WNT7B: variants seen among roughly 807,000 people sequenced by gnomAD.
WNT7B encodes the protein Wnt family member 7B.
Under a neutral mutation model 38.2 loss-of-function variants are expected in WNT7B, and 19 were observed. That is an observed-to-expected ratio of 0.50 (90% CI 0.35 to 0.73). WNT7B has a LOEUF of 0.73. Ranked by LOEUF, WNT7B falls within the 30% of genes least tolerant of loss-of-function variation. The pLI is 0.01. For missense variants in WNT7B, 423 were observed against 507.9 expected (o/e 0.83, Z 1.61); for synonymous variants, 243 against 209.3 (o/e 1.16, Z -1.39).
At chr22:45,972,526 G>A (rs982264629) in intron 1 of WNT7B, 1 of 168,402 alleles carries the variant, frequency 5.9e-6, no homozygotes, top group East Asian at 1.7e-4. Flanking sequence ...TCCGTCTGTC[G>A]GTGCGAACCG....
intron 1 of WNT7B, among the ~76,000 whole-genome samples, chr22:45,955,227 C>G (rs1932031036): frequency 6.6e-6 from 1 of 152,242 alleles, no homozygotes; most frequent in Admixed American, 6.5e-5. Context: ...CGGCCTGGCC[C>G]TGCCACACCC....
At chr22:45,925,923 G>GTGGCCCAGGATGGC (rs1931068385) in intron 3 of WNT7B, 1 of 985,190 alleles carries the variant, frequency 1.0e-6, no homozygotes, top group East Asian at 1.1e-4. Context: ...TGCTCCTGCT[G>GTGGCCCAGGATGGC]TGGCCCAGGA....
chr22:45,933,906 G>T (rs539362808), intron 2 of WNT7B, among the ~76,000 whole-genome samples: 1 of 152,166 alleles, frequency 6.6e-6, no homozygotes, highest in Non-Finnish European at 1.5e-5. Context: ...TTTCTGTCCA[G>T]GTGCCAGGGC....
At chr22:45,970,243 C>A (rs914693658) in intron 1 of WNT7B, among the ~76,000 whole-genome samples, 1 of 152,316 alleles carries the variant, frequency 6.6e-6, no homozygotes, top group Non-Finnish European at 1.5e-5. Flanking sequence ...GCCTTCCTGT[C>A]CCCGACGACC....
rs368587752 is a variant in WNT7B at position 45,976,652 on chromosome 22, C to T, written c.71+32G>A. ...CAGCTCCTTCGTGCTGTCTTGGCCC[C>T]TGGCTGCTGCCCTCGCCCACGGGGT... On this transcript the variant is annotated intron_variant, in intron 1 of 3. Transcript: ENST00000339464. The surrounding 1 kb of genome is among the most constrained non-coding windows in gnomAD (Gnocchi z 8.5). 6.3e-7 allele frequency: 1 copy of T among 1,598,102 alleles called. No individual in the cohort carries two copies. Among genetic ancestry groups the T allele is most frequent in the Non-Finnish European group, 8.5e-7 (1 of 1,171,678 alleles).
chr22:45,948,886 G>C (rs9286454), intron 2 of WNT7B, among the ~76,000 whole-genome samples: 60,852 of 138,534 alleles, frequency 0.44, 16,381 homozygotes, highest in African/African-American at 0.77. Context: ...GCTCTTTTAC[G>C]CAGACTGGAG....
intron 2 of WNT7B, among the ~76,000 whole-genome samples, chr22:45,947,162 A>G (rs895548666): frequency 1.3e-5 from 2 of 152,218 alleles, no homozygotes; most frequent in Non-Finnish European, 2.9e-5. Flanking sequence ...AGGAGAGAGG[A>G]GTCAGATACG....
In WNT7B at chr22:45,932,479, C is replaced by T. The variant is rs368954497; in HGVS notation, c.299-1110G>A. 1.8e-3 allele frequency among the ~76,000 whole-genome samples: 269 copies of T among 152,150 alleles called. 1 individual carries two copies. Among genetic ancestry groups the T allele is most frequent in the African/African-American group, 5.9e-3 (245 of 41,498 alleles). On this transcript the variant is annotated intron_variant, in intron 2 of 3. Coordinates refer to ENST00000339464, the MANE Select transcript of WNT7B (RefSeq NM_058238.3). ...TTCAGTTCCTGATTTGACCCAGATCCGGACACCCTCTCCCTGGTGAGCCCT... is the reference window on the plus strand; with the variant it reads ...TTCAGTTCCTGATTTGACCCAGATCTGGACACCCTCTCCCTGGTGAGCCCT...
rs896309977 is a variant in WNT7B, at chr22:45,975,013, C to T, written c.71+1671G>A. Among the ~76,000 whole-genome samples, 3 of 152,132 alleles carry T rather than the reference C, an allele frequency of 2.0e-5. No individual in the cohort carries two copies. The highest frequency in any genetic ancestry group is 4.4e-5 in the Non-Finnish European group (3 of 68,008). On this transcript the variant is annotated intron_variant, in intron 1 of 3. Transcript: ENST00000339464. This position sits in a 1 kb window ranked among gnomAD's most constrained non-coding sequence, Gnocchi z 6.6. ...ACTCGTGGGAGGAAGGGCTGCTTTC[C>T]GATGACTGAGGCAGAAGAATGGACG...
At chr22:45,963,920 C>T (rs528511018) in intron 1 of WNT7B, among the ~76,000 whole-genome samples, 1 of 152,236 alleles carries the variant, frequency 6.6e-6, no homozygotes, top group Admixed American at 6.5e-5. Context: ...TACAAGAGCA[C>T]AATGGGGCGC....
chr22:45,956,189 G>C (rs1371494784), intron 1 of WNT7B, among the ~76,000 whole-genome samples: 1 of 152,210 alleles, frequency 6.6e-6, no homozygotes, highest in Non-Finnish European at 1.5e-5. Context: ...CTAGCTGTGA[G>C]ACTCAGGCAA....
intron 1 of WNT7B, among the ~76,000 whole-genome samples, chr22:45,968,596 AC>A (rs1404965951): frequency 6.6e-6 from 1 of 152,130 alleles, no homozygotes; most frequent in Non-Finnish European, 1.5e-5. Flanking sequence ...GTCCAGCGTC[AC>A]CCCAGGACCT....
chr22:45,929,527 T>C (rs1384872868), intron 3 of WNT7B, among the ~76,000 whole-genome samples: 53 of 132,070 alleles, frequency 4.0e-4, no homozygotes, highest in African/African-American at 1.5e-3. Context: ...CGTCCATCTT[T>C]CCACCCACTC....
intron 2 of WNT7B, among the ~76,000 whole-genome samples, chr22:45,933,207 C>T (rs968937526): frequency 6.6e-6 from 1 of 152,172 alleles, no homozygotes; most frequent in African/African-American, 2.4e-5. Context: ...GAACTTCCTT[C>T]CTGAGAAGAA....
intron 2 of WNT7B, among the ~76,000 whole-genome samples, chr22:45,944,874 C>A (rs1336860333): frequency 6.6e-6 from 1 of 152,158 alleles, no homozygotes; most frequent in Non-Finnish European, 1.5e-5. Context: ...CCTCAGACTG[C>A]CCCACCCCAC....
rs1204833504 is a variant in WNT7B at position 45,965,219 on chromosome 22, C to T, written c.71+11465G>A. On this transcript the variant is annotated intron_variant, in intron 1 of 3. Coordinates refer to ENST00000339464, the MANE Select transcript of WNT7B (RefSeq NM_058238.3). This position sits in a 1 kb window ranked among gnomAD's most constrained non-coding sequence, Gnocchi z 6.5. ...CCACCTTCCTTCCCTCCAGCAGGTC[C>T]TTCAGGGCCGAGGTCAGAGGCTGCC... Among the ~76,000 whole-genome samples the T allele has an allele frequency of 1.3e-5, 2 of 152,196 alleles. No homozygotes were observed. The highest frequency in any genetic ancestry group is 4.8e-5 in the African/African-American group (2 of 41,438).
intron 3 of WNT7B, among the ~76,000 whole-genome samples, chr22:45,930,630 A>G (rs1280435094): frequency 6.6e-6 from 1 of 152,054 alleles, no homozygotes; most frequent in Non-Finnish European, 1.5e-5. Flanking sequence ...CCCGGCTCAC[A>G]GCTTCCACCT....
intron 1 of WNT7B, among the ~76,000 whole-genome samples, chr22:45,953,071 G>T (rs566268779): frequency 6.6e-6 from 1 of 152,190 alleles, no homozygotes; most frequent in Admixed American, 6.5e-5. Context: ...GGGGGAGCGC[G>T]GTGGGCACTG....
chr22:45,973,026 A>ACT (rs1384606914), intron 1 of WNT7B, among the ~76,000 whole-genome samples: 1 of 152,242 alleles, frequency 6.6e-6, no homozygotes, highest in East Asian at 1.9e-4. Flanking sequence ...AACCAGGCCC[A>ACT]GCCTTGTGCT....
Sources: allele counts gnomAD v4.1 joint callset (sites outside exome capture counted in the v4.1 genomes callset), GRCh38; gene constraint gnomAD v4.1.1; non-coding constraint Gnocchi (gnomAD v3.1); transcripts MANE v1.5; gene names NCBI Gene and HGNC (gene_info 2026-07-23, HGNC 2026-07-21).